Variants in BRD10 observed in about 807,000 individuals in gnomAD.
BRD10 encodes bromodomain containing 10.
the BRD10 span, among the ~76,000 whole-genome samples, chr9:5,982,582 G>A: frequency 2.6e-5 from 4 of 152,240 alleles, no homozygotes; most frequent in Non-Finnish European, 5.9e-5. Context: ...GCCCTGTGCA[G>A]TTTCGGGACT....
chr9:6,007,658 C>A, the BRD10 span: 2 of 1,606,034 alleles, frequency 1.2e-6, no homozygotes, highest in African/African-American at 1.3e-5. Flanking sequence ...GCACTCCTTC[C>A]GTGGGCCGGC....
chr9:5,928,204 C>T, the BRD10 span, among the ~76,000 whole-genome samples: 1 of 152,140 alleles, frequency 6.6e-6, no homozygotes, highest in Non-Finnish European at 1.5e-5. Flanking sequence ...TTCTACCAAT[C>T]CTACTTTCAA....
At chr9:5,987,664 C>A in the BRD10 span, among the ~76,000 whole-genome samples, 6 of 152,170 alleles carry the variant, frequency 3.9e-5, no homozygotes, top group Non-Finnish European at 8.8e-5. Context: ...TAAATTGCCT[C>A]TGACCAGCAT....
At chr9:6,008,173 TG>T in the BRD10 span, 1 of 969,916 alleles carries the variant, frequency 1.0e-6, no homozygotes, top group Non-Finnish European at 1.2e-6. Context: ...AGCGGGGGGC[TG>T]GGAGGGGGCG....
At chr9:6,007,471 C>T in the BRD10 span, 19 of 1,610,864 alleles carry the variant, frequency 1.2e-5, no homozygotes, top group Admixed American at 3.0e-4. Flanking sequence ...GGCAACGCCC[C>T]CCAAGGGCTG....
chr9:5,931,628 T>G, the BRD10 span, among the ~76,000 whole-genome samples: 1 of 152,230 alleles, frequency 6.6e-6, no homozygotes, highest in Non-Finnish European at 1.5e-5. Flanking sequence ...ATTTTCAGTC[T>G]GGGGTAGTGG....
chr9:5,924,322 T>A, the BRD10 span, among the ~76,000 whole-genome samples: 1 of 151,998 alleles, frequency 6.6e-6, no homozygotes, highest in African/African-American at 2.4e-5. Flanking sequence ...TTTTGCTCTG[T>A]TGCCCAGTCT....
chr9:5,901,391 T>C, the BRD10 span, among the ~76,000 whole-genome samples: 3 of 152,236 alleles, frequency 2.0e-5, no homozygotes, highest in African/African-American at 4.8e-5. Context: ...TTTCCCTTTA[T>C]CCCTCGTTTA....
the BRD10 span, among the ~76,000 whole-genome samples, chr9:5,958,003 C>G: frequency 1.3e-5 from 2 of 152,036 alleles, no homozygotes; most frequent in South Asian, 4.1e-4. Context: ...GAATAAAATT[C>G]TCAAACCTAT....
At chr9:5,988,058 G>A in the BRD10 span, among the ~76,000 whole-genome samples, 3 of 152,248 alleles carry the variant, frequency 2.0e-5, no homozygotes, top group South Asian at 4.2e-4. Flanking sequence ...CAAACCTATA[G>A]AAAATTCCTC....
the BRD10 span, among the ~76,000 whole-genome samples, chr9:5,947,114 C>T: frequency 6.6e-6 from 1 of 152,106 alleles, no homozygotes; most frequent in East Asian, 1.9e-4. Flanking sequence ...AGCCAAACCA[C>T]GAATGAAATC....
At chr9:5,986,507 G>A in the BRD10 span, among the ~76,000 whole-genome samples, 1 of 152,122 alleles carries the variant, frequency 6.6e-6, no homozygotes, top group Non-Finnish European at 1.5e-5. Context: ...GAATTGCTGG[G>A]TCAAATGGTT....
chr9:5,947,383 TG>T, the BRD10 span, among the ~76,000 whole-genome samples: 4 of 152,130 alleles, frequency 2.6e-5, no homozygotes, highest in Non-Finnish European at 5.9e-5. Context: ...ACATGGCTAC[TG>T]GAACATTCTG....
the BRD10 span, among the ~76,000 whole-genome samples, chr9:5,957,842 C>T: frequency 1.3e-5 from 2 of 152,008 alleles, no homozygotes; most frequent in South Asian, 4.2e-4. Context: ...AAAATCATGC[C>T]TTTATTTGGT....
chr9:5,967,708 A>AC, the BRD10 span, among the ~76,000 whole-genome samples: 1 of 151,370 alleles, frequency 6.6e-6, no homozygotes, highest in African/African-American at 2.4e-5. Context: ...AAAAAAAAAA[A>AC]AAACACACAT....
the BRD10 span, among the ~76,000 whole-genome samples, chr9:5,957,218 A>T: frequency 1.3e-5 from 2 of 152,246 alleles, no homozygotes; most frequent in African/African-American, 4.8e-5. Context: ...GTAGGTAATA[A>T]CTCTACTGTA....
At chr9:5,986,473 C>T in the BRD10 span, among the ~76,000 whole-genome samples, 2 of 152,130 alleles carry the variant, frequency 1.3e-5, no homozygotes, top group Middle Eastern at 3.4e-3. Context: ...ATTTATATTC[C>T]TTTGGGTTAT....
chr9:5,954,849 G>A, the BRD10 span, among the ~76,000 whole-genome samples: 1 of 152,084 alleles, frequency 6.6e-6, no homozygotes, highest in Non-Finnish European at 1.5e-5. Flanking sequence ...CCAGCACTTT[G>A]GGAGGCCAAG....
At chr9:5,960,266 A>C in the BRD10 span, among the ~76,000 whole-genome samples, 1 of 152,156 alleles carries the variant, frequency 6.6e-6, no homozygotes, top group African/African-American at 2.4e-5. Context: ...ATTTGGGTGA[A>C]AATAATAACT....
Sources: gnomAD v4.1 joint callset for allele counts (sites outside exome capture counted in the v4.1 genomes callset) on GRCh38, gnomAD v4.1.1 for gene constraint, MANE v1.5 for transcripts, NCBI Gene and HGNC (gene_info 2026-07-23, HGNC 2026-07-21) for gene names.